Variants in TNIP3 observed in about 807,000 individuals in gnomAD.
The protein encoded by TNIP3 is TNFAIP3-interacting protein 3.
In TNIP3, 34 loss-of-function variants were observed where a neutral mutation model predicts 54.1. The observed-to-expected ratio is 0.63, with a 90% confidence interval of 0.48 to 0.84. TNIP3 has a LOEUF of 0.84. Among genes scored for constraint, TNIP3 ranks in the 40% least tolerant of loss-of-function variants. TNIP3 has a pLI of 0.00. For missense variants in TNIP3, 366 were observed against 387.6 expected (o/e 0.94, Z 0.47); for synonymous variants, 134 against 136.8 (o/e 0.98, Z 0.14).
At chr4:121,194,419 T>TA (rs1167533652) in intron 2 of TNIP3, among the ~76,000 whole-genome samples, 2 of 152,186 alleles carry the variant, frequency 1.3e-5, no homozygotes, top group Non-Finnish European at 2.9e-5. Flanking sequence ...AATTATTTTA[T>TA]AAAAATGAAA....
intron 2 of TNIP3, among the ~76,000 whole-genome samples, chr4:121,200,339 AT>A (rs1725815291): frequency 6.6e-6 from 1 of 152,046 alleles, no homozygotes; most frequent in Non-Finnish European, 1.5e-5. Flanking sequence ...ACAGTCCAAG[AT>A]TTCTCAAAAA....
intron 3 of TNIP3, among the ~76,000 whole-genome samples, chr4:121,176,592 T>C (rs1724363909): frequency 6.6e-6 from 1 of 151,770 alleles, no homozygotes; most frequent in Non-Finnish European, 1.5e-5. Flanking sequence ...ATTTACAGGG[T>C]GCACTTTCTC....
At chr4:121,222,734 T>C (rs1445949365) in intron 1 of TNIP3, among the ~76,000 whole-genome samples, 2 of 152,062 alleles carry the variant, frequency 1.3e-5, no homozygotes, top group African/African-American at 2.4e-5. Flanking sequence ...TTATACATGT[T>C]ATTAGTTATT....
At chr4:121,167,886 T>G (rs979673897), upstream of TNIP3, among the ~76,000 whole-genome samples, 2 of 152,280 alleles carry the variant, frequency 1.3e-5, no homozygotes, top group Admixed American at 6.5e-5. Flanking sequence ...AATTGCTTAA[T>G]TGTCATCTCT....
chr4:121,213,242 T>C (rs1560696651), intron 2 of TNIP3, among the ~76,000 whole-genome samples: 1 of 152,106 alleles, frequency 6.6e-6, no homozygotes, highest in Non-Finnish European at 1.5e-5. Context: ...TTCGATCCTG[T>C]TTAATATTAG....
intron 7 of TNIP3, among the ~76,000 whole-genome samples, chr4:121,144,128 GTGA>G (rs1308145096): frequency 6.6e-6 from 1 of 152,176 alleles, no homozygotes; most frequent in Non-Finnish European, 1.5e-5. Context: ...TGCAGAATTT[GTGA>G]TGATGAGGAT....
intron 2 of TNIP3, chr4:121,216,268 C>T (rs865914029): frequency 1.1e-5 from 7 of 612,326 alleles, no homozygotes; most frequent in Non-Finnish European, 5.3e-6. Context: ...TACTGTTACC[C>T]GTCATCTTTT....
At chr4:121,161,821 A>T (rs544466203) in intron 1 of TNIP3, among the ~76,000 whole-genome samples, 6 of 148,642 alleles carry the variant, frequency 4.0e-5, no homozygotes, top group Non-Finnish European at 5.9e-5. Flanking sequence ...GGCATAATGA[A>T]AATTTACCAC....
Position 121,132,434 on chromosome 4 carries a change from G to T in TNIP3, c.*197C>A. The T allele has an allele frequency of 2.1e-6, 1 of 487,550 alleles. No homozygotes were observed. 30.2% of individuals were successfully genotyped at this position (487,550 alleles called of 1,614,324 possible). On this transcript the variant is annotated 3_prime_UTR_variant, in exon 11 of 11. Coordinates refer to ENST00000057513, the MANE Select transcript of TNIP3 (RefSeq NM_024873.6). ...GTTGTATTTGGTTGTATAATAACTG[G>T]CTCCTCCAATTTGATCAGGATCTTA...
At chr4:121,150,680 C>T (rs1729694663) in intron 5 of TNIP3, among the ~76,000 whole-genome samples, 1 of 152,188 alleles carries the variant, frequency 6.6e-6, no homozygotes, top group Non-Finnish European at 1.5e-5. Context: ...TTGCATTTCT[C>T]AGAAGCTGGT....
At chr4:121,195,418 A>G (rs757918750) in intron 2 of TNIP3, among the ~76,000 whole-genome samples, 12 of 152,214 alleles carry the variant, frequency 7.9e-5, no homozygotes, top group Non-Finnish European at 1.2e-4. Context: ...TTTGGCTAGA[A>G]AAGTTATAAA....
chr4:121,222,700 G>A (rs1472010533), intron 1 of TNIP3, among the ~76,000 whole-genome samples: 2 of 151,364 alleles, frequency 1.3e-5, no homozygotes, highest in Non-Finnish European at 2.9e-5. Context: ...TAGAGAAAGC[G>A]ATTTTTATGG....
chr4:121,170,959 G>T (rs1731033724), intron 3 of TNIP3, among the ~76,000 whole-genome samples: 1 of 152,034 alleles, frequency 6.6e-6, no homozygotes, highest in Non-Finnish European at 1.5e-5. Flanking sequence ...GGGATTACAG[G>T]TACCTGCCAC....
chr4:121,199,608 C>T (rs1287391828), intron 2 of TNIP3, among the ~76,000 whole-genome samples: 1 of 152,146 alleles, frequency 6.6e-6, no homozygotes, highest in Non-Finnish European at 1.5e-5. Flanking sequence ...ATCTTTATCT[C>T]CCACATTCCT....
intron 1 of TNIP3, among the ~76,000 whole-genome samples, chr4:121,226,162 A>G (rs1338451276): frequency 2.2e-5 from 1 of 44,778 alleles, no homozygotes; most frequent in Non-Finnish European, 4.3e-5. Context: ...ATCAAGACAA[A>G]AAAGAGAGAA....
chr4:121,194,775 G>A (rs955948342), intron 2 of TNIP3, among the ~76,000 whole-genome samples: 14 of 151,982 alleles, frequency 9.2e-5, no homozygotes, highest in African/African-American at 3.1e-4. Flanking sequence ...AAACAAATAG[G>A]CTCTGTTGGA....
At chr4:121,220,843 G>A (rs922006865), upstream of TNIP3, among the ~76,000 whole-genome samples, 2 of 152,058 alleles carry the variant, frequency 1.3e-5, no homozygotes, top group African/African-American at 2.4e-5. Context: ...TTCCTGCTGT[G>A]ATTTGGCTGA....
At chr4:121,170,156 G>C (rs1443405101) in intron 3 of TNIP3, among the ~76,000 whole-genome samples, 1 of 152,120 alleles carries the variant, frequency 6.6e-6, no homozygotes, top group East Asian at 1.9e-4. Flanking sequence ...ATCAACTCTA[G>C]CACTTATTGT....
chr4:121,154,471 G>A, intron 5 of TNIP3, 80 bp downstream of exon 5: 1 of 1,571,302 alleles, frequency 6.4e-7, no homozygotes, highest in Non-Finnish European at 8.7e-7. Context: ...CTGCAGCCTA[G>A]ATTTTGTTGC....
Sources: gnomAD v4.1 joint callset for allele counts (sites outside exome capture counted in the v4.1 genomes callset) on GRCh38, gnomAD v4.1.1 for gene constraint, MANE v1.5 for transcripts, NCBI Gene and HGNC (gene_info 2026-07-23, HGNC 2026-07-21) for gene names.